The following PI16 variants were observed in gnomAD, a reference collection of about 807,000 sequenced individuals.
PI16 encodes peptidase inhibitor 16.
Under a neutral mutation model 38.0 loss-of-function variants are expected in PI16, and 35 were observed. The observed-to-expected ratio is 0.92, with a 90% CI of 0.70 to 1.22. PI16 has a LOEUF of 1.22. Among genes scored for constraint, PI16 ranks in the 50% most tolerant of loss-of-function variants. PI16 has a pLI of 0.00. For missense variants in PI16, 572 were observed against 593.8 expected (o/e 0.96, Z 0.38); for synonymous variants, 275 against 252.9 (o/e 1.09, Z -0.83).
intron 1 of PI16, among the ~76,000 whole-genome samples, chr6:36,957,209 C>T (rs535553468): frequency 6.6e-6 from 1 of 152,302 alleles, no homozygotes; most frequent in South Asian, 2.1e-4. Context: ...GCCTATCTCT[C>T]CATCCTCCTC....
intron 1 of PI16, among the ~76,000 whole-genome samples, chr6:36,956,623 A>G (rs1410146299): frequency 6.6e-6 from 1 of 152,218 alleles, no homozygotes; most frequent in African/African-American, 2.4e-5. Context: ...TTCAAATCTT[A>G]GCTTTGTTAC....
chr6:36,954,818 G>A lies in PI16; in HGVS notation c.58G>A (p.Ala20Thr). Reference protein sequence around the residue: ...LLLPLLLLLVATTGPVGALTD... With the variant: ...LLLPLLLLLVTTTGPVGALTD... ...GCTGCCGCTACTGCTACTGCTGGTG[G>A]CCACCACAGGCCCCGTTGGAGCCCT... The change falls in exon 1 of 7, where the codon GCC becomes ACC. Residue 20 changes from alanine to threonine, a missense_variant. By Grantham distance (58) the Ala-to-Thr change is moderately conservative. Coordinates refer to ENST00000373674, the MANE Select transcript of PI16 (RefSeq NM_153370.3). 1.2e-6 allele frequency: 2 copies of A among 1,614,098 alleles called. No homozygotes were observed. Among genetic ancestry groups the A allele is most frequent in the Non-Finnish European group, 1.7e-6 (2 of 1,180,004 alleles).
At chr6:36,961,798 T>C in intron 3 of PI16, 88 bp from the exon 4 acceptor site, 2 of 1,191,440 alleles carry the variant, frequency 1.7e-6, no homozygotes, top group Non-Finnish European at 2.5e-6. Context: ...CCCAAGGGCA[T>C]TTCCAGAGTA....
At chr6:36,956,165 A>G (rs546694880) in intron 1 of PI16, among the ~76,000 whole-genome samples, 6 of 152,130 alleles carry the variant, frequency 3.9e-5, no homozygotes. Context: ...GTCAGACAGG[A>G]TGACACGTAA....
Position 36,963,041 on chromosome 6 carries a change from T to C in PI16, c.699T>C (p.Pro233=). The C allele has an allele frequency of 6.2e-7, 1 of 1,614,176 alleles. No individual in the cohort carries two copies. The highest frequency in any genetic ancestry group is 8.5e-7 in the Non-Finnish European group (1 of 1,180,008). Residue 233 remains proline (P), a synonymous_variant, in exon 5 of 7, where the codon CCT becomes CCC. Transcript: ENST00000373674. ...CAGACTCTAGGAAAATGGGTACTCC[T>C]TCTTCCCTAGCAACGGGGATTCCGG... ...EASDSRKMGT[P]SSLATGIPAF...
chr6:36,963,946 G>A lies in PI16; in HGVS notation c.*2G>A. The A allele has an allele frequency of 6.2e-7, 1 of 1,611,446 alleles. No homozygotes were observed. ...CTGGTGTTGGCTGGAATCTTCTGAA[G>A]GGGATACCACTCAAAGGCAAGGCCT... On this transcript the variant is annotated 3_prime_UTR_variant, in exon 6 of 7. Coordinates refer to ENST00000373674, the MANE Select transcript of PI16 (RefSeq NM_153370.3).
At chr6:36,956,019 G>T (rs2150734637) in intron 1 of PI16, among the ~76,000 whole-genome samples, 1 of 152,302 alleles carries the variant, frequency 6.6e-6, no homozygotes, top group Middle Eastern at 3.4e-3. Context: ...ACATAACAGT[G>T]AGCCTGGGGC....
At chr6:36,955,333 T>C (rs1357061497) in intron 1 of PI16, among the ~76,000 whole-genome samples, 1 of 152,078 alleles carries the variant, frequency 6.6e-6, no homozygotes, top group African/African-American at 2.4e-5. Context: ...AACACCTTTG[T>C]GAAAACGGTC....
In PI16 at chr6:36,959,172, G is replaced by T. The variant is rs1356291825; in HGVS notation, c.199G>T (p.Ala67Ser). 2.5e-6 allele frequency: 4 copies of T among 1,610,156 alleles called. No individual in the cohort carries two copies. Among genetic ancestry groups the T allele is most frequent in the South Asian group, 2.2e-5 (2 of 90,350 alleles). ...ATGGGACGAGGAGCTGGCCGCCTTC[G>T]CCAAGGCCTACGCACGGCAGTGCGT... ...MRWDEELAAF[A>S]KAYARQCVWG... Residue 67 changes from alanine (A) to serine (S), a missense_variant, in exon 2 of 7, where the codon GCC becomes TCC. Physicochemically the swap from Ala to Ser is moderately conservative, Grantham distance 99 (BLOSUM62 1). Transcript: ENST00000373674.
intron 1 of PI16, 131 bp from the exon 2 acceptor site, chr6:36,959,014 C>A: frequency 2.5e-6 from 2 of 796,586 alleles, no homozygotes; most frequent in Non-Finnish European, 3.9e-6. Flanking sequence ...GAGACCTGTT[C>A]TAGGCCATGC....
At chr6:36,960,705 G>A (rs924401938) in intron 2 of PI16, among the ~76,000 whole-genome samples, 1 of 140,810 alleles carries the variant, frequency 7.1e-6, no homozygotes, top group Admixed American at 7.5e-5. Context: ...GGACCCAGCA[G>A]GGAGTGAGTC....
chr6:36,954,544 G>C, upstream of PI16: 1 of 602,312 alleles, frequency 1.7e-6, no homozygotes. Flanking sequence ...CCGTTACCAA[G>C]AGAAAGGAGG....
In PI16 at chr6:36,959,458, C is replaced by A. The variant is rs975969685; in HGVS notation, c.393+92C>A. On this transcript the variant is annotated intron_variant, in intron 2 of 6. Transcript: ENST00000373674. Reference sequence around the variant, plus strand: ...GGCGGGGCCACCTCTGCCTTCACCCCTCCTAAGCGTCCTCGCTGCAAGTAG... The same window carrying A: ...GGCGGGGCCACCTCTGCCTTCACCCATCCTAAGCGTCCTCGCTGCAAGTAG... The A allele has an allele frequency of 5.5e-6, 7 of 1,267,896 alleles. No individual in the cohort carries two copies. The South Asian group carries it at 9.1e-5, about 16-fold the overall frequency. The allele number at this position is 1,267,896 out of a possible 1,614,324, so 78.5% of individuals were successfully genotyped here.
chr6:36,963,715 G>A (rs34165286), intron 5 of PI16, 103 bp downstream of exon 5: 355,260 of 1,535,988 alleles, frequency 0.23, 43,297 homozygotes, highest in East Asian at 0.39. Context: ...CACCCTCTGA[G>A]TAGGAGCTTC....
At chr6:36,961,640 C>T in intron 3 of PI16, 80 bp downstream of exon 3, 1 of 1,325,102 alleles carries the variant, frequency 7.5e-7, no homozygotes, top group Admixed American at 1.7e-5. Flanking sequence ...TCGGCCACAG[C>T]CTGAGGGAGT....
chr6:36,961,319 C>A, intron 2 of PI16, 132 bp from the exon 3 acceptor site: 1 of 757,632 alleles, frequency 1.3e-6, no homozygotes, highest in African/African-American at 1.7e-5. Context: ...CCTGCATGGC[C>A]TTGGGGACGT....
rs779494951 is a variant in PI16 at position 36,959,142 on chromosome 6, C to A, written c.172-3C>A. ...CACCTCCCTTCTCTCACCTGCCCTG[C>A]AGAGATGGGACGAGGAGCTGGCCGC... On this transcript the variant is annotated splice_polypyrimidine_tract_variant and splice_region_variant and intron_variant, in intron 1 of 6. Coordinates refer to ENST00000373674, the MANE Select transcript of PI16 (RefSeq NM_153370.3). 4 of 1,605,802 alleles carry A rather than the reference C, an allele frequency of 2.5e-6. No homozygotes were observed. The highest frequency in any genetic ancestry group is 3.4e-6 in the Non-Finnish European group (4 of 1,176,990).
upstream of PI16, among the ~76,000 whole-genome samples, chr6:36,950,547 C>CT (rs147981491): frequency 0.11 from 15,611 of 144,910 alleles, 1,017 homozygotes; most frequent in Middle Eastern, 0.21. This position sits in a 1 kb window ranked among gnomAD's most constrained non-coding sequence, Gnocchi z 4.2. Flanking sequence ...TGAGTCCCTG[C>CT]TTTTTTTTTT....
chr6:36,963,756 G>A, intron 5 of PI16, 67 bp from the exon 6 acceptor site: 1 of 1,535,050 alleles, frequency 6.5e-7, no homozygotes, highest in Non-Finnish European at 8.8e-7. Context: ...CTCCTTGCAT[G>A]GTGGGGTGGG....
Sources: gnomAD v4.1 joint callset for allele counts (sites outside exome capture counted in the v4.1 genomes callset) on GRCh38, gnomAD v4.1.1 for gene constraint, Gnocchi (gnomAD v3.1) non-coding constraint, MANE v1.5 for transcripts, NCBI Gene and HGNC (gene_info 2026-07-23, HGNC 2026-07-21) for gene names.